AGMO: variants seen among roughly 807,000 people sequenced by gnomAD.
AGMO encodes alkylglycerol monooxygenase.
AGMO carries 75 observed loss-of-function variants against 60.2 expected under a neutral mutation model. The observed-to-expected ratio is 1.25, with a 90% CI of 1.03 to 1.51. The LOEUF is 1.51. AGMO is among the 40% of genes most tolerant of loss of function. The probability of loss-of-function intolerance (pLI) is 0.00; values close to 1 mark genes in which losing one functional copy is unlikely to be tolerated. For synonymous variants in AGMO, 261 were observed against 177.1 expected, an observed-to-expected ratio of 1.47 and a Z score of -3.76; for missense variants, 763 against 525.5, an observed-to-expected ratio of 1.45 and a Z score of -4.42.
chr7:15,249,576 T>G (rs1189890189), intron 12 of AGMO, among the ~76,000 whole-genome samples: 1 of 152,184 alleles, frequency 6.6e-6, no homozygotes, highest in African/African-American at 2.4e-5. Flanking sequence ...ATGACACCCT[T>G]TTCCATAAAA....
the AGMO span, among the ~76,000 whole-genome samples, chr7:15,180,318 A>G: frequency 6.6e-6 from 1 of 152,122 alleles, no homozygotes. Flanking sequence ...CACCCTATAG[A>G]AGCCTGAATA....
At chr7:15,127,741 A>T in the AGMO span, among the ~76,000 whole-genome samples, 1 of 152,128 alleles carries the variant, frequency 6.6e-6, no homozygotes, top group Non-Finnish European at 1.5e-5. Flanking sequence ...TCTTAAGTCA[A>T]TATTTTAATG....
intron 12 of AGMO, among the ~76,000 whole-genome samples, chr7:15,322,222 TATATA>T (rs1051457461): frequency 4.0e-5 from 6 of 149,354 alleles, no homozygotes; most frequent in South Asian, 2.1e-4. Flanking sequence ...TAAAGATAAA[TATATA>T]ATATAATGTA....
At chr7:15,433,727 C>G (rs1366543062) in intron 3 of AGMO, among the ~76,000 whole-genome samples, 1 of 151,264 alleles carries the variant, frequency 6.6e-6, no homozygotes, top group Non-Finnish European at 1.5e-5. Context: ...ACATTCTGTT[C>G]AATAACATTT....
intron 12 of AGMO, among the ~76,000 whole-genome samples, chr7:15,304,311 G>A (rs1253319452): frequency 6.6e-6 from 1 of 152,008 alleles, no homozygotes; most frequent in African/African-American, 2.4e-5. Context: ...ACTCCCTTGA[G>A]GTCTTCTCCA....
In AGMO at chr7:15,267,394, A is replaced by G. The variant is rs554865991; in HGVS notation, c.1264-66035T>C. ...CCATCTGTTTTTAAACATCATGAAA[A>G]AAAGTGAGCTTCTCAAATGATAATA... On this transcript the variant is annotated intron_variant, in intron 12 of 12. Coordinates refer to ENST00000342526, the MANE Select transcript of AGMO (RefSeq NM_001004320.2). Among the ~76,000 whole-genome samples the G allele has an allele frequency of 7.9e-5, 12 of 152,132 alleles. No individual in the cohort carries two copies. The East Asian group carries it at 2.3e-3, about 29-fold the overall frequency.
intron 10 of AGMO, among the ~76,000 whole-genome samples, chr7:15,370,519 T>C (rs1783166490): frequency 6.6e-6 from 1 of 152,218 alleles, no homozygotes; most frequent in Admixed American, 6.5e-5. Context: ...ACAGTGTGTA[T>C]GTGTTCCCTT....
At chr7:15,440,644 G>A (rs1266078204) in intron 3 of AGMO, among the ~76,000 whole-genome samples, 1 of 152,192 alleles carries the variant, frequency 6.6e-6, no homozygotes, top group Non-Finnish European at 1.5e-5. Context: ...GAAAGAAACT[G>A]TGTTAGTTAC....
intron 12 of AGMO, among the ~76,000 whole-genome samples, chr7:15,262,250 G>T (rs1783295063): frequency 6.6e-6 from 1 of 151,938 alleles, no homozygotes; most frequent in Non-Finnish European, 1.5e-5. Context: ...CATCCAAAAA[G>T]CTCCTAGAAC....
chr7:15,555,208 A>G (rs553984369), intron 2 of AGMO, among the ~76,000 whole-genome samples: 1 of 150,928 alleles, frequency 6.6e-6, no homozygotes, highest in African/African-American at 2.4e-5. Flanking sequence ...CAATATTTAA[A>G]AAAGATTATT....
the AGMO span, among the ~76,000 whole-genome samples, chr7:15,152,843 T>C: frequency 1.3e-5 from 2 of 152,148 alleles, 1 homozygote; most frequent in East Asian, 3.9e-4. Context: ...GACTTCTTTT[T>C]CTCTAGGTAG....
At chr7:15,126,217 A>T in the AGMO span, among the ~76,000 whole-genome samples, 1 of 152,010 alleles carries the variant, frequency 6.6e-6, no homozygotes, top group Non-Finnish European at 1.5e-5. Context: ...AAATACTTAA[A>T]CTCTTTAAGT....
chr7:15,434,783 T>C (rs1162810210), intron 3 of AGMO, among the ~76,000 whole-genome samples: 2 of 152,144 alleles, frequency 1.3e-5, no homozygotes, highest in African/African-American at 4.8e-5. Flanking sequence ...TATGAGATGA[T>C]AAACGTTTCT....
intron 12 of AGMO, among the ~76,000 whole-genome samples, chr7:15,312,085 G>A (rs896741377): frequency 3.9e-5 from 6 of 152,020 alleles, no homozygotes; most frequent in Admixed American, 3.3e-4. Context: ...GACAGGGAGA[G>A]AGAGAAAGAA....
At chr7:15,183,587 G>T in the AGMO span, among the ~76,000 whole-genome samples, 1 of 152,106 alleles carries the variant, frequency 6.6e-6, no homozygotes, top group African/African-American at 2.4e-5. Context: ...TTCTTCTTCA[G>T]ATTCTTACAT....
rs1180597172 is a variant in AGMO at position 15,387,647 on chromosome 7, A to C, written c.823-107T>G. 4 of 961,718 alleles carry C rather than the reference A, an allele frequency of 4.2e-6. No homozygotes were observed. The South Asian group carries it at 7.0e-5, about 17-fold the overall frequency. 59.6% of individuals were successfully genotyped at this position (961,718 alleles called of 1,614,324 possible). The stretch of plus-strand genomic sequence containing the variant: ...TTGTTCAAGGTAATTTACGTATTTA[A>C]AACGTTATGCCTGATTAGAGCAACA... On this transcript the variant is annotated intron_variant, in intron 8 of 12. Coordinates refer to ENST00000342526, the MANE Select transcript of AGMO (RefSeq NM_001004320.2).
Position 15,391,006 on chromosome 7 carries a change from T to C in AGMO, c.677-101A>G, listed in dbSNP as rs1196004395. ...AGAATATATTCATAAAATTCAGATT[T>C]AAACAGGGTACAATTTCCCTGGGAA... On this transcript the variant is annotated intron_variant, in intron 6 of 12. Transcript: ENST00000342526. The C allele has an allele frequency of 5.6e-6, 4 of 717,990 alleles. No homozygotes were observed. The African/African-American group carries it at 7.2e-5, about 13-fold the overall frequency. The allele number at this position is 717,990 out of a possible 1,614,324, so 44.5% of individuals were successfully genotyped here.
At chr7:15,384,891 G>A in intron 10 of AGMO, among the ~76,000 whole-genome samples, 1 of 141,108 alleles carries the variant, frequency 7.1e-6, no homozygotes, top group East Asian at 2.1e-4. Flanking sequence ...AACCTAGGTA[G>A]TATGAGTATT....
chr7:15,492,846 T>C (rs1783104107), intron 3 of AGMO, among the ~76,000 whole-genome samples: 1 of 152,098 alleles, frequency 6.6e-6, no homozygotes, highest in South Asian at 2.1e-4. Context: ...TTGCAACCTC[T>C]CCTTTTGGTC....
Sources: gnomAD v4.1 joint callset for allele counts (sites outside exome capture counted in the v4.1 genomes callset) on GRCh38, gnomAD v4.1.1 for gene constraint, MANE v1.5 for transcripts, NCBI Gene and HGNC (gene_info 2026-07-23, HGNC 2026-07-21) for gene names.